The following NTRK2 variants were observed in gnomAD, a reference collection of about 807,000 sequenced individuals.
NTRK2 encodes the protein neurotrophic receptor tyrosine kinase 2.
Under a neutral mutation model 94.5 loss-of-function variants are expected in NTRK2, and 13 were observed. That is an observed-to-expected ratio of 0.14 (90% CI 0.09 to 0.22). The LOEUF (loss-of-function observed/expected upper bound fraction) is 0.22, where lower values mean the gene tolerates loss of function less well. NTRK2 is among the 10% of genes least tolerant of loss of function. The probability of loss-of-function intolerance (pLI) is 1.00; values close to 1 mark genes in which losing one functional copy is unlikely to be tolerated. For missense variants in NTRK2, 639 were observed against 1,071.2 expected, an observed-to-expected ratio of 0.60 and a Z score of 5.63; for synonymous variants, 372 against 407.4, an observed-to-expected ratio of 0.91 and a Z score of 1.05.
intron 12 of NTRK2, among the ~76,000 whole-genome samples, chr9:84,821,499 T>C (rs2072828428): frequency 6.6e-6 from 1 of 152,224 alleles, no homozygotes; most frequent in Non-Finnish European, 1.5e-5. Flanking sequence ...CATGTTGTAT[T>C]TTTTGCTCTT....
chr9:84,839,034 T>C (rs972573263), intron 12 of NTRK2, among the ~76,000 whole-genome samples: 43 of 152,306 alleles, frequency 2.8e-4, no homozygotes, highest in African/African-American at 9.9e-4. Flanking sequence ...ATAAATGACC[T>C]CACTTTCTTT....
At chr9:84,801,106 G>A (rs548161554) in intron 12 of NTRK2, among the ~76,000 whole-genome samples, 2 of 152,324 alleles carry the variant, frequency 1.3e-5, no homozygotes, top group South Asian at 4.1e-4. Context: ...AAAGCTGGAA[G>A]GCACTAAGGT....
chr9:84,694,417 T>C (rs1179518159), intron 2 of NTRK2, among the ~76,000 whole-genome samples: 4 of 152,216 alleles, frequency 2.6e-5, no homozygotes, highest in East Asian at 3.9e-4. Context: ...CTCAACAGCA[T>C]GCAGTAGTAA....
intron 2 of NTRK2, among the ~76,000 whole-genome samples, chr9:84,678,586 T>C (rs1432366334): frequency 6.6e-6 from 1 of 152,184 alleles, no homozygotes. Flanking sequence ...TGACCTCTCT[T>C]TTCTGGGCTT....
chr9:84,780,067 G>T (rs971814036), intron 12 of NTRK2, among the ~76,000 whole-genome samples: 6 of 151,596 alleles, frequency 4.0e-5, no homozygotes, highest in African/African-American at 1.5e-4. Context: ...TTAAAAATCT[G>T]GTTTTGATTA....
At chr9:84,880,878 C>T (rs529947772) in intron 14 of NTRK2, among the ~76,000 whole-genome samples, 12 of 152,154 alleles carry the variant, frequency 7.9e-5, no homozygotes, top group Admixed American at 7.9e-4. Flanking sequence ...TTTGAAAAAA[C>T]CATAGTTTGG....
intron 12 of NTRK2, among the ~76,000 whole-genome samples, chr9:84,822,646 T>G (rs1465032005): frequency 6.6e-6 from 1 of 152,160 alleles, no homozygotes; most frequent in African/African-American, 2.4e-5. Flanking sequence ...TCAAGCACCC[T>G]CGACTGCCGT....
At chr9:84,772,932 G>A (rs2066697086) in intron 12 of NTRK2, among the ~76,000 whole-genome samples, 1 of 152,218 alleles carries the variant, frequency 6.6e-6, no homozygotes, top group African/African-American at 2.4e-5. Flanking sequence ...GTGCCCTGCT[G>A]TGGGGTTTGG....
chr9:84,723,001 C>T (rs1355075351), intron 6 of NTRK2, among the ~76,000 whole-genome samples: 4 of 152,156 alleles, frequency 2.6e-5, no homozygotes, highest in Non-Finnish European at 5.9e-5. Context: ...ATAGTTCAAA[C>T]TGCTTGTCTT....
intron 14 of NTRK2, among the ~76,000 whole-genome samples, chr9:84,869,971 T>C (rs532151216): frequency 4.6e-4 from 70 of 151,844 alleles, no homozygotes; most frequent in Middle Eastern, 3.5e-3. Flanking sequence ...TCTTTGAACA[T>C]TCTAATTGTA....
chr9:84,943,602 A>G (rs941712122), intron 15 of NTRK2, among the ~76,000 whole-genome samples: 3 of 152,208 alleles, frequency 2.0e-5, no homozygotes, highest in Non-Finnish European at 4.4e-5. Flanking sequence ...GAAAATAGCA[A>G]TGCTCAGTGA....
intron 12 of NTRK2, among the ~76,000 whole-genome samples, chr9:84,828,523 C>T (rs549128079): frequency 6.6e-6 from 1 of 152,234 alleles, no homozygotes; most frequent in South Asian, 2.1e-4. Context: ...CCCCCTACCC[C>T]CAGATGAATT....
At chr9:84,812,476 C>T (rs1457144414) in intron 12 of NTRK2, 1 of 1,051,030 alleles carries the variant, frequency 9.5e-7, no homozygotes, top group African/African-American at 1.7e-5. Context: ...TTTCTGAATT[C>T]CCATTTTCTT....
chr9:84,675,830 A>T (rs1481668863), intron 2 of NTRK2, among the ~76,000 whole-genome samples: 1 of 152,220 alleles, frequency 6.6e-6, no homozygotes, highest in East Asian at 1.9e-4. Context: ...TTTAGCTCAC[A>T]TTTGATTGCT....
chr9:84,798,646 C>A (rs1370917201), intron 12 of NTRK2, among the ~76,000 whole-genome samples: 1 of 152,094 alleles, frequency 6.6e-6, no homozygotes, highest in Non-Finnish European at 1.5e-5. Flanking sequence ...CACAAAAGTT[C>A]CCGGATACAG....
rs7036995 is a variant in NTRK2, at chr9:84,902,656, A to C, written c.1634-31506A>C. ...AGGACTAGTACTACAAAGAGGGATA[A>C]GTCATTCCGGCTAACTCTATCCCCT... On this transcript the variant is annotated intron_variant, in intron 14 of 18. Transcript: ENST00000277120. 8.1e-3 allele frequency among the ~76,000 whole-genome samples: 1,236 copies of C among 152,322 alleles called. 22 individuals carry two copies. Among genetic ancestry groups the C allele is most frequent in the African/African-American group, 0.028 (1,178 of 41,572 alleles).
intron 2 of NTRK2, 113 bp downstream of exon 2, chr9:84,671,073 C>T: frequency 2.0e-6 from 2 of 1,006,202 alleles, no homozygotes; most frequent in South Asian, 2.7e-5. Flanking sequence ...AAGTCAAAGA[C>T]AAGGGATGCA....
chr9:84,849,811 T>G (rs913242213), intron 12 of NTRK2, among the ~76,000 whole-genome samples: 2 of 152,206 alleles, frequency 1.3e-5, no homozygotes, highest in African/African-American at 4.8e-5. Flanking sequence ...CAATTCAGTC[T>G]CTACTATTTT....
chr9:85,000,300 A>G (rs116078106), intron 17 of NTRK2, among the ~76,000 whole-genome samples: 2,563 of 152,228 alleles, frequency 0.017, 63 homozygotes, highest in African/African-American at 0.058. Context: ...TGTGCTTTCT[A>G]TGGGTTTTGA....
Sources: gnomAD v4.1 joint callset for allele counts (sites outside exome capture counted in the v4.1 genomes callset) on GRCh38, gnomAD v4.1.1 for gene constraint, MANE v1.5 for transcripts, NCBI Gene and HGNC (gene_info 2026-07-23, HGNC 2026-07-21) for gene names.